Variants in ARHGEF18 observed in about 807,000 individuals in gnomAD.
The protein encoded by ARHGEF18 is rho guanine nucleotide exchange factor 18.
In ARHGEF18, 93 loss-of-function variants were observed where a neutral mutation model predicts 155.7. The observed-to-expected ratio is 0.60, with a 90% confidence interval of 0.50 to 0.71. ARHGEF18 has a LOEUF of 0.71. Among genes scored for constraint, ARHGEF18 ranks in the 30% least tolerant of loss-of-function variants. The pLI is 0.00. For synonymous variants in ARHGEF18, 742 were observed against 753.1 expected (o/e 0.99, Z 0.24); for missense variants, 1,593 against 1,816.1 (o/e 0.88, Z 2.23).
At chr19:7,442,357 C>T (rs564706592) in intron 13 of ARHGEF18, among the ~76,000 whole-genome samples, 27 of 152,244 alleles carry the variant, frequency 1.8e-4, no homozygotes, top group African/African-American at 6.5e-4. Context: ...CCTCAGCCTC[C>T]CTAGTAGCTG....
At chr19:7,405,387 C>G (rs899436805) in intron 10 of ARHGEF18, among the ~76,000 whole-genome samples, 4 of 152,166 alleles carry the variant, frequency 2.6e-5, no homozygotes, top group African/African-American at 9.7e-5. Flanking sequence ...GTCTCTAAAT[C>G]TCCCTCTCCT....
At chr19:7,474,196 G>A (rs933328932), downstream of ARHGEF18, among the ~76,000 whole-genome samples, 8 of 151,840 alleles carry the variant, frequency 5.3e-5, no homozygotes, top group African/African-American at 9.7e-5. Context: ...AAAATCAGCC[G>A]GGCGTGGTGG....
intron 10 of ARHGEF18, among the ~76,000 whole-genome samples, chr19:7,396,774 T>G (rs1277290401): frequency 2.6e-5 from 4 of 151,720 alleles, no homozygotes; most frequent in Non-Finnish European, 5.9e-5. Flanking sequence ...TGGGTTCTGG[T>G]CCCAGTTCCA....
intron 4 of ARHGEF18, among the ~76,000 whole-genome samples, chr19:7,376,382 G>A (rs1970462851): frequency 6.6e-6 from 1 of 152,156 alleles, no homozygotes; most frequent in South Asian, 2.1e-4. Context: ...GCCATTGTTG[G>A]AAGCTGTGGC....
At chr19:7,430,368 A>ATTT in intron 10 of ARHGEF18, among the ~76,000 whole-genome samples, 1 of 143,752 alleles carries the variant, frequency 7.0e-6, no homozygotes. Flanking sequence ...TGCCTGGCTA[A>ATTT]TTTTTTTTTT....
rs1976407363 is a variant in ARHGEF18 at position 7,463,368 on chromosome 19, T to C, written c.2636-450T>C. Among the ~76,000 whole-genome samples the C allele has an allele frequency of 6.6e-6, 1 of 152,164 alleles. No homozygotes were observed. Among genetic ancestry groups the C allele is most frequent in the Admixed American group, 6.5e-5 (1 of 15,280 alleles). The stretch of plus-strand genomic sequence containing the variant: ...TCTGTGCCTGGCCACAGCCTGTTGG[T>C]CCTAGAGGGCTTTCTGTAGACAGCC... On this transcript the variant is annotated intron_variant, in intron 21 of 28. Coordinates refer to ENST00000668164, the MANE Select transcript of ARHGEF18 (RefSeq NM_001367823.1). This position sits in a 1 kb window ranked among gnomAD's most constrained non-coding sequence, Gnocchi z 5.2.
At chr19:7,408,154 C>G (rs1972452987) in intron 10 of ARHGEF18, among the ~76,000 whole-genome samples, 1 of 151,836 alleles carries the variant, frequency 6.6e-6, no homozygotes, top group Non-Finnish European at 1.5e-5. Context: ...TGGCTTATGC[C>G]TATAATCCCA....
rs756145332 is a variant in ARHGEF18 at position 7,463,884 on chromosome 19, G to A, written c.2702G>A (p.Gly901Asp). ...GSANGQAEDG[G>D]SSTGPPRRAE... ...GCCAACGGCCAGGCGGAAGACGGAG[G>A]CAGCTCCACAGGCCCGCCCAGGAGG... The change falls in exon 22 of 29, where the codon GGC (glycine) becomes GAC (aspartate). Residue 901 changes from glycine to aspartate, a missense_variant. Coordinates refer to ENST00000668164, the MANE Select transcript of ARHGEF18 (RefSeq NM_001367823.1). The surrounding 1 kb of genome is among the most constrained non-coding windows in gnomAD (Gnocchi z 5.2). 1.2e-6 allele frequency: 2 copies of A among 1,601,876 alleles called. No individual in the cohort carries two copies. The highest frequency in any genetic ancestry group is 1.7e-5 in the Admixed American group (1 of 58,692).
At chr19:7,446,906 AAAAAAGAAG>A in intron 14 of ARHGEF18, 128 bp from the exon 15 acceptor site, 23 of 1,199,664 alleles carry the variant, frequency 1.9e-5, no homozygotes, top group Admixed American at 9.0e-5. Flanking sequence ...AAAAAAAAAA[AAAAAAGAAG>A]AAGAAAGAAA....
Position 7,373,016 on chromosome 19 carries a change from CTGT to C in ARHGEF18, c.221_223del (p.Leu74_Ser75delinsPro). 1 of 1,234,438 alleles carries C rather than the reference CTGT, an allele frequency of 8.1e-7. No homozygotes were observed. The highest frequency in any genetic ancestry group is 4.1e-5 in the South Asian group (1 of 24,420). 76.5% of individuals were successfully genotyped at this position (1,234,438 alleles called of 1,614,324 possible). Reference sequence around the variant, plus strand: ...CTCCAGCTTGGCAGGGTCCCAAGACCTGTCAAGGCGGCGCAGCTGGGAAAGGTC... The same window carrying C: ...CTCCAGCTTGGCAGGGTCCCAAGACCCAAGGCGGCGCAGCTGGGAAAGGTC... On this transcript the variant is annotated inframe_deletion, in exon 3 of 29. Transcript: ENST00000668164.
In ARHGEF18 at chr19:7,349,200, C is replaced by A. The variant is rs1443362651; in HGVS notation, c.-152C>A. The A allele has an allele frequency of 6.6e-6, 1 of 152,320 alleles. No individual in the cohort carries two copies. Among genetic ancestry groups the A allele is most frequent in the Non-Finnish European group, 1.5e-5 (1 of 68,140 alleles). 9.4% of individuals were successfully genotyped at this position (152,320 alleles called of 1,614,324 possible). A position where few individuals can be genotyped will look rare whatever the true frequency, so the allele number is the denominator to read the frequency against. ...TCATGGGAGCTGCAGGAGCTGTTAG[C>A]CAGGCTAGGTGCCTGCAGGTTGAAG... On this transcript the variant is annotated 5_prime_UTR_variant, in exon 1 of 29. Transcript: ENST00000668164.
chr19:7,362,959 G>A (rs1325541764), intron 2 of ARHGEF18, 54 bp downstream of exon 2: 3 of 1,234,188 alleles, frequency 2.4e-6, no homozygotes, highest in Admixed American at 4.2e-5. Flanking sequence ...GTGGCAGCAA[G>A]TACACTTTGT....
chr19:7,403,503 A>G (rs1474444705), intron 10 of ARHGEF18, among the ~76,000 whole-genome samples: 2 of 149,872 alleles, frequency 1.3e-5, no homozygotes, highest in Non-Finnish European at 3.0e-5. Context: ...TGCAAGGTTC[A>G]TTTACGTTGT....
chr19:7,474,383 A>G (rs1335486639), downstream of ARHGEF18, among the ~76,000 whole-genome samples: 2 of 151,836 alleles, frequency 1.3e-5, no homozygotes, highest in African/African-American at 4.8e-5. Flanking sequence ...TTACATTTTT[A>G]TTTATTTTTT....
intron 20 of ARHGEF18, among the ~76,000 whole-genome samples, chr19:7,460,586 T>A (rs28463847): frequency 0.18 from 26,776 of 150,852 alleles, 2,598 homozygotes; most frequent in African/African-American, 0.25. Context: ...GGAATCTACT[T>A]CCTGTCCCTG....
intron 3 of ARHGEF18, among the ~76,000 whole-genome samples, chr19:7,375,253 C>T: frequency 8.2e-6 from 1 of 122,650 alleles, no homozygotes; most frequent in African/African-American, 3.4e-5. Flanking sequence ...GCCTGGGTGA[C>T]AGAGTGAGAC....
chr19:7,392,403 A>G (rs1055095765), intron 10 of ARHGEF18, among the ~76,000 whole-genome samples: 1 of 151,986 alleles, frequency 6.6e-6, no homozygotes, highest in Non-Finnish European at 1.5e-5. Context: ...AGATAGCTAT[A>G]GAAATAAGGC....
intron 2 of ARHGEF18, among the ~76,000 whole-genome samples, chr19:7,367,445 A>T (rs1294029572): frequency 1.3e-5 from 2 of 151,952 alleles, no homozygotes; most frequent in Non-Finnish European, 1.5e-5. Flanking sequence ...CTCTACAAAA[A>T]ATAAAAAAAT....
intron 17 of ARHGEF18, among the ~76,000 whole-genome samples, chr19:7,455,420 A>C (rs1975767760): frequency 6.6e-6 from 1 of 152,228 alleles, no homozygotes; most frequent in Admixed American, 6.5e-5. Flanking sequence ...CAGCTCCCCA[A>C]AAGTGGCGTT....
Sources: allele counts gnomAD v4.1 joint callset (sites outside exome capture counted in the v4.1 genomes callset), GRCh38; gene constraint gnomAD v4.1.1; non-coding constraint Gnocchi (gnomAD v3.1); transcripts MANE v1.5; gene names NCBI Gene and HGNC (gene_info 2026-07-23, HGNC 2026-07-21).